IFI35: variants seen among roughly 807,000 people sequenced by gnomAD.
The protein encoded by IFI35 is interferon induced protein 35, also known as interferon-induced 35 kDa protein.
In IFI35, 30 loss-of-function variants were observed where a neutral mutation model predicts 28.6. That is an observed-to-expected ratio of 1.05 (90% CI 0.79 to 1.43). The LOEUF (loss-of-function observed/expected upper bound fraction) is 1.43. Among genes scored for constraint, IFI35 ranks in the 40% most tolerant of loss-of-function variants. The probability of loss-of-function intolerance (pLI) is 0.00; values close to 1 mark genes in which losing one functional copy is unlikely to be tolerated. For synonymous variants in IFI35, 146 were observed against 154.8 expected (o/e 0.94, Z 0.42); for missense variants, 372 against 356.9 (o/e 1.04, Z -0.34).
chr17:43,007,357 T>G (rs2050416368), intron 1 of IFI35, among the ~76,000 whole-genome samples: 1 of 151,970 alleles, frequency 6.6e-6, no homozygotes, highest in African/African-American at 2.4e-5. Context: ...TACAAAAAAT[T>G]AGCTGTGTGT....
intron 1 of IFI35, among the ~76,000 whole-genome samples, chr17:43,009,357 G>T (rs1361357234): frequency 6.6e-6 from 1 of 152,140 alleles, no homozygotes; most frequent in African/African-American, 2.4e-5. Context: ...CGTGGCTCCT[G>T]CCTGTAATCC....
chr17:43,012,990 A>T, intron 2 of IFI35, 57 bp from the exon 3 acceptor site: 6 of 1,540,718 alleles, frequency 3.9e-6, no homozygotes, highest in Non-Finnish European at 5.3e-6. Flanking sequence ...GGAATCGGAG[A>T]TGCCTTCCTC....
chr17:43,014,216 C>T lies in IFI35; in HGVS notation c.778C>T (p.Arg260Cys), dbSNP rs756341282. The T allele has an allele frequency of 1.1e-5, 17 of 1,613,126 alleles. No individual in the cohort carries two copies. Among genetic ancestry groups the T allele is most frequent in the Admixed American group, 5.0e-5 (3 of 59,918 alleles). The stretch of plus-strand genomic sequence containing the variant: ...GGAGATCCACTTCCAGAAGCCCACC[C>T]GCGGGGGCGGGGAGGTAGAGGCCCT... ...VLEIHFQKPT[R>C]GGGEVEALTV... The change falls in exon 7 of 7, where the codon CGC (arginine) becomes TGC (cysteine). Residue 260 changes from arginine (R) to cysteine (C), a missense_variant. Coordinates refer to ENST00000415816, the MANE Select transcript of IFI35 (RefSeq NM_001330230.2).
chr17:43,012,143 G>A lies in IFI35; in HGVS notation c.22-36G>A, dbSNP rs76605126. On this transcript the variant is annotated intron_variant, in intron 1 of 6. Coordinates refer to ENST00000415816, the MANE Select transcript of IFI35 (RefSeq NM_001330230.2). ...GGGCTTGTTGATTCTCTGGAAGGGC[G>A]GGTAGAAGTCTTGTTGTTTCCTTCT... 8.1e-4 allele frequency: 1,171 copies of A among 1,446,568 alleles called. 3 individuals are homozygous for A. Among genetic ancestry groups the A allele is most frequent in the African/African-American group, 3.6e-3 (251 of 70,300 alleles). 89.6% of individuals were successfully genotyped at this position (1,446,568 alleles called of 1,614,324 possible).
In IFI35 at chr17:43,013,800, G is replaced by C; in HGVS notation, c.587G>C (p.Gly196Ala). The C allele has an allele frequency of 1.2e-6, 2 of 1,613,076 alleles. No homozygotes were observed. The highest frequency in any genetic ancestry group is 1.7e-6 in the Non-Finnish European group (2 of 1,179,512). ...DGVAQRLCQI[G>A]QFTVPLGGQQ... ...GTGGCTCAGCGTCTGTGCCAAATCG[G>C]CCAGTTCACAGTGCCACTGGGTGGG... Residue 196 changes from glycine to alanine, a missense_variant, in exon 6 of 7, where the codon GGC becomes GCC. Transcript: ENST00000415816.
chr17:43,013,837 T>C lies in IFI35; in HGVS notation c.624T>C (p.Pro208=). The C allele has an allele frequency of 6.2e-7, 1 of 1,610,664 alleles. No homozygotes were observed. The highest frequency in any genetic ancestry group is 1.3e-5 in the African/African-American group (1 of 74,914). ...FTVPLGGQQV[P]LRVSPYVNGE... Reference sequence around the variant, plus strand: ...TGCCACTGGGTGGGCAGCAAGTCCCTCTGAGAGTCTCTCCGTATGTGAACG... The same window carrying C: ...TGCCACTGGGTGGGCAGCAAGTCCCCCTGAGAGTCTCTCCGTATGTGAACG... The change falls in exon 6 of 7, where the codon CCT becomes CCC. Residue 208 remains proline, a synonymous_variant. Coordinates refer to ENST00000415816, the MANE Select transcript of IFI35 (RefSeq NM_001330230.2).
At chr17:43,009,333 A>C (rs2050436716) in intron 1 of IFI35, among the ~76,000 whole-genome samples, 1 of 151,846 alleles carries the variant, frequency 6.6e-6, no homozygotes, top group African/African-American at 2.4e-5. Flanking sequence ...TGGGAAGATT[A>C]GGGGGCCTGG....
intron 1 of IFI35, among the ~76,000 whole-genome samples, chr17:43,007,445 C>T (rs1274793573): frequency 6.7e-6 from 1 of 149,128 alleles, no homozygotes; most frequent in Non-Finnish European, 1.5e-5. Context: ...GCGGAGGTTG[C>T]AGTGAGCCGA....
chr17:43,007,108 G>A, intron 1 of IFI35, 140 bp downstream of exon 1: 1 of 936,096 alleles, frequency 1.1e-6, no homozygotes, highest in Non-Finnish European at 1.7e-6. Context: ...GAGAAACACA[G>A]GGCTGGGGTT....
At chr17:43,008,034 CTTTTT>C (rs1165440744) in intron 1 of IFI35, among the ~76,000 whole-genome samples, 1 of 132,478 alleles carries the variant, frequency 7.5e-6, no homozygotes, top group Non-Finnish European at 1.6e-5. Flanking sequence ...AGGACAATCC[CTTTTT>C]TTTTTTTTTT....
At chr17:43,011,528 T>C (rs1448648010) in intron 1 of IFI35, among the ~76,000 whole-genome samples, 1 of 151,626 alleles carries the variant, frequency 6.6e-6, no homozygotes, top group African/African-American at 2.4e-5. Context: ...CAAAAATAAA[T>C]AAATAAATAA....
At position 43,012,241 on chromosome 17, in the gene IFI35, G is replaced by C; in HGVS notation, c.84G>C (p.Gln28His). 6.3e-7 allele frequency: 1 copy of C among 1,578,412 alleles called. No individual in the cohort carries two copies. The highest frequency in any genetic ancestry group is 8.6e-7 in the Non-Finnish European group (1 of 1,161,766). ...RLKMRLWDLQ[Q>H]LRKELGDSPK... is the part of the protein sequence containing the mutation. ...AGATGAGGCTGTGGGACCTGCAGCA[G>C]CTGAGAAAGGAGCTCGGGGACTCCC... Residue 28 changes from glutamine to histidine, a missense_variant, in exon 2 of 7, where the codon CAG becomes CAC. By Grantham distance (24) the Gln-to-His change is conservative. Coordinates refer to ENST00000415816, the MANE Select transcript of IFI35 (RefSeq NM_001330230.2).
chr17:43,009,354 C>A (rs1422663432), intron 1 of IFI35, among the ~76,000 whole-genome samples: 1 of 152,136 alleles, frequency 6.6e-6, no homozygotes, highest in Non-Finnish European at 1.5e-5. Context: ...GTCCGTGGCT[C>A]CTGCCTGTAA....
chr17:43,012,282 G>A lies in IFI35; in HGVS notation c.120+5G>A, dbSNP rs1014940191. On this transcript the variant is annotated splice_donor_5th_base_variant and intron_variant, in intron 2 of 6. Transcript: ENST00000415816. The stretch of plus-strand genomic sequence containing the variant: ...GGGGACTCCCCCAAAGACAAGGTAA[G>A]GTGGGAGATCTGGTGTTGTTTGGTA... 4 of 1,560,262 alleles carry A rather than the reference G, an allele frequency of 2.6e-6. No homozygotes were observed. Among genetic ancestry groups the A allele is most frequent in the Admixed American group, 3.8e-5 (2 of 52,294 alleles).
At chr17:43,007,989 A>T (rs1255893935) in intron 1 of IFI35, among the ~76,000 whole-genome samples, 1 of 149,030 alleles carries the variant, frequency 6.7e-6, no homozygotes, top group East Asian at 2.0e-4. Context: ...TCTTAATATT[A>T]TTATTGCCAA....
At position 43,012,256 on chromosome 17, in the gene IFI35, CG is replaced by C. The variant is rs2050466795; in HGVS notation, c.103del (p.Asp35ThrfsTer32). The C allele has an allele frequency of 1.3e-6, 2 of 1,573,616 alleles. No homozygotes were observed. The highest frequency in any genetic ancestry group is 4.7e-5 in the East Asian group (2 of 42,814). Reference sequence around the variant, plus strand: ...ACCTGCAGCAGCTGAGAAAGGAGCTCGGGGACTCCCCCAAAGACAAGGTAAG... The same window carrying C: ...ACCTGCAGCAGCTGAGAAAGGAGCTCGGGACTCCCCCAAAGACAAGGTAAG... ...WDLQQLRKEL[G>X]DSPKDKVPFS... On this transcript the variant is annotated frameshift_variant, in exon 2 of 7. Coordinates refer to ENST00000415816, the MANE Select transcript of IFI35 (RefSeq NM_001330230.2). LOFTEE classifies it high-confidence loss of function.
rs531745093 is a variant in IFI35, at chr17:43,010,275, C to T, written c.22-1904C>T. On this transcript the variant is annotated intron_variant, in intron 1 of 6. Transcript: ENST00000415816. ...AAAAAATAGCTGGCATGATGGCACA[C>T]GCCTGTACTCAGGAGGCTGAGATGA... Among the ~76,000 whole-genome samples the T allele has an allele frequency of 3.0e-3, 455 of 151,712 alleles. 2 individuals are homozygous for T. The highest frequency in any genetic ancestry group is 6.3e-3 in the Admixed American group (95 of 15,200).
Position 43,014,259 on chromosome 17 carries a change from G to A in IFI35, c.821G>A (p.Gly274Glu), listed in dbSNP as rs2151969908. The A allele has an allele frequency of 1.2e-6, 2 of 1,602,182 alleles. No individual in the cohort carries two copies. The highest frequency in any genetic ancestry group is 1.7e-6 in the Non-Finnish European group (2 of 1,174,426). The change falls in exon 7 of 7, where the codon GGA (glycine) becomes GAA (glutamate). Residue 274 changes from glycine to glutamate, a missense_variant. Transcript: ENST00000415816. Reference protein sequence around the residue: ...EVEALTVVPQGQQGLAVFTSE... With the variant: ...EVEALTVVPQEQQGLAVFTSE... ...GAGGCCCTGACAGTCGTACCCCAAG[G>A]ACAGCAGGGCCTAGCAGTCTTCACC...
chr17:43,013,655 G>A lies in IFI35; in HGVS notation c.555G>A (p.Arg185=). 6.2e-7 allele frequency: 1 copy of A among 1,614,022 alleles called. No homozygotes were observed. Residue 185 remains arginine (R), a synonymous_variant, in exon 5 of 7, where the codon AGG becomes AGA. Transcript: ENST00000415816. ...GGAGTGTCATGCTGGGGTTTGCTAG[G>A]GATGGAGGTGAGGGCTATGCAGGCC... The part of the protein sequence containing the change: ...LPGSVMLGFA[R]DGVAQRLCQI...
Sources: allele counts gnomAD v4.1 joint callset (sites outside exome capture counted in the v4.1 genomes callset), GRCh38; gene constraint gnomAD v4.1.1; transcripts MANE v1.5; gene names NCBI Gene and HGNC (gene_info 2026-07-23, HGNC 2026-07-21).